The following RXFP2 variants were observed in gnomAD, a reference collection of about 807,000 sequenced individuals.
The protein encoded by RXFP2 is relaxin receptor 2.
RXFP2 carries 68 observed loss-of-function variants against 88.6 expected under a neutral mutation model. The ratio of observed to expected loss-of-function variants is 0.77; its 90% CI spans 0.63 to 0.94. The LOEUF is 0.94. Among genes scored for constraint, RXFP2 ranks in the 40% least tolerant of loss-of-function variants. The pLI, the probability that RXFP2 is intolerant of heterozygous loss-of-function variation, is 0.00. For missense variants in RXFP2, 791 were observed against 893.9 expected, an observed-to-expected ratio of 0.88 and a Z score of 1.47; for synonymous variants, 329 against 306.8, an observed-to-expected ratio of 1.07 and a Z score of -0.76.
chr13:31,797,586 G>A (rs1468892443), intron 17 of RXFP2, among the ~76,000 whole-genome samples, 167 bp downstream of exon 17: 1 of 152,102 alleles, frequency 6.6e-6, no homozygotes, highest in Non-Finnish European at 1.5e-5. Flanking sequence ...ACTGAGTAGT[G>A]GTGCAATCCA....
rs755247796 is a variant in RXFP2 at position 31,739,619 on chromosome 13, G to A, written c.7G>A (p.Val3Ile). The change falls in exon 1 of 18, where the codon GTT becomes ATT. Residue 3 changes from valine (V) to isoleucine (I), a missense_variant. Physicochemically the swap from Val to Ile is conservative, Grantham distance 29 (BLOSUM62 3). Transcript: ENST00000298386. The stretch of plus-strand genomic sequence containing the variant: ...ACTCAATTGCTGTAAACCTATGATT[G>A]TTTTTCTGGTTTTTAAACATCTCTT... MI[V>I]FLVFKHLFSL... 1.3e-5 allele frequency: 20 copies of A among 1,591,318 alleles called. No homozygotes were observed. The highest frequency in any genetic ancestry group is 1.6e-5 in the Non-Finnish European group (18 of 1,159,518).
At chr13:31,751,310 T>A (rs891413054) in intron 1 of RXFP2, among the ~76,000 whole-genome samples, 2 of 140,610 alleles carry the variant, frequency 1.4e-5, no homozygotes, top group African/African-American at 3.0e-5. Flanking sequence ...ACATATATAT[T>A]ATATATATAT....
At chr13:31,743,711 C>T (rs1871300999) in intron 1 of RXFP2, among the ~76,000 whole-genome samples, 1 of 151,864 alleles carries the variant, frequency 6.6e-6, no homozygotes, top group African/African-American at 2.4e-5. Flanking sequence ...AGATGCTCTC[C>T]CGGCCTGTCT....
chr13:31,779,122 T>TTA (rs10624926), intron 9 of RXFP2, among the ~76,000 whole-genome samples: 88,110 of 144,230 alleles, frequency 0.61, 27,431 homozygotes, highest in East Asian at 0.77. Flanking sequence ...GTCATTGGGC[T>TTA]TGTCTTTTTT....
intron 1 of RXFP2, among the ~76,000 whole-genome samples, chr13:31,741,877 A>C (rs914069664): frequency 6.6e-6 from 1 of 152,166 alleles, no homozygotes; most frequent in Non-Finnish European, 1.5e-5. Context: ...AAAAGCATGA[A>C]GTATTGAGAC....
intron 1 of RXFP2, among the ~76,000 whole-genome samples, chr13:31,753,076 A>G (rs962200040): frequency 6.6e-6 from 1 of 152,046 alleles, no homozygotes; most frequent in East Asian, 1.9e-4. Flanking sequence ...TCCTTGGCCT[A>G]TACCCCCCTG....
intron 1 of RXFP2, among the ~76,000 whole-genome samples, chr13:31,747,344 T>G (rs972684145): frequency 6.6e-6 from 1 of 152,030 alleles, no homozygotes; most frequent in African/African-American, 2.4e-5. Context: ...AAACAGAAGA[T>G]GTTGCCAAGC....
intron 1 of RXFP2, among the ~76,000 whole-genome samples, chr13:31,753,671 A>G (rs1443723284): frequency 1.3e-5 from 2 of 152,146 alleles, no homozygotes; most frequent in Non-Finnish European, 2.9e-5. Flanking sequence ...CTTAATTTTT[A>G]TTTAATTTGT....
At position 31,786,415 on chromosome 13, in the gene RXFP2, C is replaced by T. The variant is rs868064159; in HGVS notation, c.962C>T (p.Ser321Leu). The change falls in exon 12 of 18, where the codon TCA (serine) becomes TTA (leucine). Residue 321 changes from serine to leucine, a missense_variant. By Grantham distance (145) the Ser-to-Leu change is moderately radical. Coordinates refer to ENST00000298386, the MANE Select transcript of RXFP2 (RefSeq NM_130806.5). ...TCTAGCAATACGATAACGGAACTAT[C>T]ACCTCACCTTTTTAAAGACTTGAAG... ...DLSSNTITELSPHLFKDLKLL... is the reference protein window; with the variant it reads ...DLSSNTITELLPHLFKDLKLL... The T allele has an allele frequency of 6.2e-7, 1 of 1,609,296 alleles. No homozygotes were observed. Among genetic ancestry groups the T allele is most frequent in the South Asian group, 1.1e-5 (1 of 90,978 alleles).
intron 1 of RXFP2, among the ~76,000 whole-genome samples, chr13:31,747,523 T>C (rs1208868650): frequency 6.6e-6 from 1 of 152,228 alleles, no homozygotes; most frequent in Non-Finnish European, 1.5e-5. Flanking sequence ...GAAGCACTGA[T>C]GTGCTCTCCA....
chr13:31,761,843 A>G, intron 3 of RXFP2, 42 bp downstream of exon 3: 1 of 1,355,524 alleles, frequency 7.4e-7, no homozygotes, highest in Non-Finnish European at 1.1e-6. Context: ...CTTTGTGAAA[A>G]ACATGATTTG....
intron 1 of RXFP2, among the ~76,000 whole-genome samples, chr13:31,742,327 T>G (rs1274950368): frequency 6.6e-6 from 1 of 152,224 alleles, no homozygotes; most frequent in African/African-American, 2.4e-5. Context: ...ATGCCTGGCA[T>G]GGTCCTTTCT....
At chr13:31,769,777 T>C (rs578079087) in intron 5 of RXFP2, among the ~76,000 whole-genome samples, 126 of 152,320 alleles carry the variant, frequency 8.3e-4, no homozygotes, top group African/African-American at 2.8e-3. Context: ...CACTTAGCAT[T>C]TGAGAGTTAG....
Position 31,760,073 on chromosome 13 carries a change from G to GTTGTTTGT in RXFP2, c.242-1628_242-1621dup, listed in dbSNP as rs141810581. Among the ~76,000 whole-genome samples, 624 of 150,672 alleles carry GTTGTTTGT rather than the reference G, an allele frequency of 4.1e-3. 4 individuals carry two copies. The highest frequency in any genetic ancestry group is 0.02 in the Admixed American group (310 of 15,156). ...AATGCCTTATCTTTTCAGTGTTGTTGTTGTTTGTTTGTTTGTTTGTTTGTT... is the reference window on the plus strand; with the variant it reads ...AATGCCTTATCTTTTCAGTGTTGTTGTTGTTTGTTTGTTTGTTTGTTTGTTTGTTTGTT... On this transcript the variant is annotated intron_variant, in intron 2 of 17. Transcript: ENST00000298386.
At chr13:31,754,191 G>A (rs10492610) in intron 1 of RXFP2, among the ~76,000 whole-genome samples, 27,298 of 152,000 alleles carry the variant, frequency 0.18, 2,115 homozygotes, top group Middle Eastern at 0.24. Context: ...CCGCCTAGAC[G>A]TTCTGCATAT....
At position 31,758,543 on chromosome 13, in the gene RXFP2, T is replaced by C. The variant is rs1571312; in HGVS notation, c.241+139T>C. 0.37 allele frequency: 351,964 copies of C among 958,014 alleles called. 68,725 individuals are homozygous for C. The highest frequency in any genetic ancestry group is 0.47 in the Admixed American group (20,717 of 44,406). 59.3% of individuals were successfully genotyped at this position (958,014 alleles called of 1,614,324 possible). ...GGGATTTCCTTTGAAACACAAATAA[T>C]GACTCCCCAATGTATTTGTGATAAC... On this transcript the variant is annotated intron_variant, in intron 2 of 17. Coordinates refer to ENST00000298386, the MANE Select transcript of RXFP2 (RefSeq NM_130806.5).
At chr13:31,779,832 A>ATTTTCTGATGTTTATTTTTATGTATTT (rs1873183458) in intron 9 of RXFP2, among the ~76,000 whole-genome samples, 2 of 152,116 alleles carry the variant, frequency 1.3e-5, no homozygotes, top group Non-Finnish European at 2.9e-5. Context: ...TGTTGTGTTT[A>ATTTTCTGATGTTTATTTTTATGTATTT]TTTTCTGATG....
chr13:31,793,216 C>T (rs1873879679), intron 16 of RXFP2, 128 bp downstream of exon 16: 1 of 845,374 alleles, frequency 1.2e-6, no homozygotes. Context: ...CTTTTTCACA[C>T]AAAAAAGTTT....
At chr13:31,749,489 T>C (rs1871570624) in intron 1 of RXFP2, among the ~76,000 whole-genome samples, 2 of 152,230 alleles carry the variant, frequency 1.3e-5, no homozygotes, top group Non-Finnish European at 2.9e-5. Context: ...CTGGGATTTT[T>C]ATTGAGATTT....
Sources: gnomAD v4.1 joint callset for allele counts (sites outside exome capture counted in the v4.1 genomes callset) on GRCh38, gnomAD v4.1.1 for gene constraint, MANE v1.5 for transcripts, NCBI Gene and HGNC (gene_info 2026-07-23, HGNC 2026-07-21) for gene names.